The following HNF4A variants were observed in gnomAD, a reference collection of about 807,000 sequenced individuals.
HNF4A encodes the protein hepatocyte nuclear factor 4 alpha.
A neutral mutation model predicts 52.4 loss-of-function variants in HNF4A; 15 were observed. The ratio of observed to expected loss-of-function variants is 0.29; its 90% CI spans 0.19 to 0.44. HNF4A has a LOEUF of 0.44. HNF4A is among the 20% of genes least tolerant of loss of function. HNF4A has a pLI of 1.00. For synonymous variants in HNF4A, 280 were observed against 264.4 expected (o/e 1.06, Z -0.57); for missense variants, 479 against 647.2 (o/e 0.74, Z 2.82).
intron 1 of HNF4A, chr20:44,372,933 A>C (rs966078324): frequency 6.6e-6 from 1 of 152,222 alleles, no homozygotes; most frequent in African/African-American, 2.4e-5. Context: ...TGCAGTCGGG[A>C]GGGCTTGGGT....
chr20:44,434,521 G>GC (rs1327132796), downstream of HNF4A: 2 of 149,920 alleles, frequency 1.3e-5, no homozygotes, highest in African/African-American at 5.0e-5. Context: ...ACAAGCGCGG[G>GC]GGGGGGGGGG....
chr20:44,411,041 C>G (rs553431686), intron 3 of HNF4A, among the ~76,000 whole-genome samples: 2 of 152,218 alleles, frequency 1.3e-5, no homozygotes, highest in Non-Finnish European at 2.9e-5. Flanking sequence ...GTCAAGAATT[C>G]TTTCCTGCAA....
At chr20:44,421,138 G>C (rs941117698) in intron 7 of HNF4A, among the ~76,000 whole-genome samples, 2 of 151,954 alleles carry the variant, frequency 1.3e-5, no homozygotes, top group African/African-American at 2.4e-5. Flanking sequence ...CAAGTTATGT[G>C]CTTTTATCTT....
chr20:44,407,159 GC>G (rs2063512681), intron 2 of HNF4A, among the ~76,000 whole-genome samples: 1 of 152,170 alleles, frequency 6.6e-6, no homozygotes, highest in Admixed American at 6.5e-5. Context: ...ACCACATGTT[GC>G]CTCTCTGAGC....
chr20:44,372,771 T>A (rs148074407), intron 1 of HNF4A: 2 of 152,190 alleles, frequency 1.3e-5, no homozygotes, highest in African/African-American at 4.8e-5. Flanking sequence ...GCGCTGACTT[T>A]GTTTTTGGAG....
At chr20:44,381,124 T>A (rs1025183535) in intron 1 of HNF4A, among the ~76,000 whole-genome samples, 1 of 152,212 alleles carries the variant, frequency 6.6e-6, no homozygotes, top group Non-Finnish European at 1.5e-5. Context: ...ATACTTCCAA[T>A]GACGGAATAC....
intron 1 of HNF4A, among the ~76,000 whole-genome samples, chr20:44,371,155 G>C (rs2146205596): frequency 6.6e-6 from 1 of 152,320 alleles, no homozygotes; most frequent in Non-Finnish European, 1.5e-5. Flanking sequence ...AGCAGGTTGT[G>C]GTCCCAGCTC....
intron 1 of HNF4A, among the ~76,000 whole-genome samples, chr20:44,384,159 CTTTTTTTTTTTT>C (rs371586705): frequency 8.0e-6 from 1 of 125,558 alleles, no homozygotes; most frequent in Non-Finnish European, 1.6e-5. Context: ...CCCCTGGCTC[CTTTTTTTTTTTT>C]TTTTTTTTTT....
At chr20:44,412,646 C>T (rs570675420) in intron 3 of HNF4A, among the ~76,000 whole-genome samples, 49 of 152,132 alleles carry the variant, frequency 3.2e-4, no homozygotes, top group African/African-American at 1.0e-3. Context: ...AGACTGCAGG[C>T]GCAAGGCAGA....
rs530389600 is a variant in HNF4A at position 44,429,596 on chromosome 20, C to A, written c.1356C>A (p.Ala452=). ...AGCCCTATAAGCTCCTGCCGGGAGC[C>A]GTCGCCACAATCGTCAAGCCCCTCT... Residue 452 remains alanine, a synonymous_variant, in exon 10 of 10, where the codon GCC becomes GCA. Coordinates refer to ENST00000316099, the MANE Select transcript of HNF4A (RefSeq NM_000457.6). 6.2e-7 allele frequency: 1 copy of A among 1,614,012 alleles called. No individual in the cohort carries two copies. The highest frequency in any genetic ancestry group is 8.5e-7 in the Non-Finnish European group (1 of 1,179,978).
intron 1 of HNF4A, among the ~76,000 whole-genome samples, chr20:44,385,059 C>CTTTGTTTTTTTTTTTT (rs2063203942): frequency 5.7e-5 from 2 of 34,970 alleles, no homozygotes; most frequent in African/African-American, 1.3e-4. Context: ...ACTCTGTGAT[C>CTTTGTTTTTTTTTTTT]TTTTTTTTTT....
intron 3 of HNF4A, among the ~76,000 whole-genome samples, chr20:44,407,961 A>G (rs774708240): frequency 6.6e-6 from 1 of 152,172 alleles, no homozygotes; most frequent in African/African-American, 2.4e-5. Flanking sequence ...CGTGGGTATC[A>G]CGTGATCTCC....
In HNF4A at chr20:44,419,715, T is replaced by G. The variant is rs2063717102; in HGVS notation, c.737-6T>G. Reference sequence around the variant, plus strand: ...TCCCATCCTCCCTCCCTCCCAACCCTTCCAGGCAATGACTACATTGTCCCT... The same window carrying G: ...TCCCATCCTCCCTCCCTCCCAACCCGTCCAGGCAATGACTACATTGTCCCT... On this transcript the variant is annotated splice_region_variant and splice_polypyrimidine_tract_variant and intron_variant, in intron 6 of 9. Coordinates refer to ENST00000316099, the MANE Select transcript of HNF4A (RefSeq NM_000457.6). 1 of 1,032,030 alleles carries G rather than the reference T, an allele frequency of 9.7e-7. No homozygotes were observed. Among genetic ancestry groups the G allele is most frequent in the Non-Finnish European group, 1.4e-6 (1 of 705,956 alleles). The allele number at this position is 1,032,030 out of a possible 1,614,324, so 63.9% of individuals were successfully genotyped here.
chr20:44,393,458 A>C (rs1007129586), intron 1 of HNF4A, among the ~76,000 whole-genome samples: 1 of 152,118 alleles, frequency 6.6e-6, no homozygotes, highest in Admixed American at 6.5e-5. Flanking sequence ...GCCATCTCTC[A>C]CTGGCATCCC....
chr20:44,369,249 C>CAAA (rs751374772), intron 1 of HNF4A, among the ~76,000 whole-genome samples: 2,057 of 24,840 alleles, frequency 0.083, 482 homozygotes, highest in Admixed American at 0.13. Context: ...AACTCCATCT[C>CAAA]AAAAAAAAAA....
chr20:44,368,222 G>A (rs1419794879), intron 1 of HNF4A, among the ~76,000 whole-genome samples: 10 of 135,638 alleles, frequency 7.4e-5, no homozygotes, highest in African/African-American at 1.9e-4. Flanking sequence ...GCTGGAGTGC[G>A]GTGGTACCAT....
rs113201905 is a variant in HNF4A, at chr20:44,360,205, G to A, written c.49+4352G>A. On this transcript the variant is annotated intron_variant, in intron 1 of 9. Coordinates refer to the HNF4A transcript ENST00000316673. ...TGGGAAGATGGATGGATGAATAAAT[G>A]TATGTTTAGGTGGGTGGATAGGTGA... Among the ~76,000 whole-genome samples the A allele has an allele frequency of 6.9e-3, 1,045 of 152,284 alleles. 21 individuals carry two copies. Among genetic ancestry groups the A allele is most frequent in the African/African-American group, 0.024 (1,011 of 41,550 alleles).
At chr20:44,411,209 C>T (rs918558136) in intron 3 of HNF4A, among the ~76,000 whole-genome samples, 1 of 152,052 alleles carries the variant, frequency 6.6e-6, no homozygotes, top group African/African-American at 2.4e-5. Context: ...AGAGGCCTTC[C>T]TCGGAAGCCC....
At chr20:44,396,041 A>G (rs974862908) in intron 1 of HNF4A, among the ~76,000 whole-genome samples, 1 of 152,108 alleles carries the variant, frequency 6.6e-6, no homozygotes, top group Admixed American at 6.6e-5. Context: ...CAGTGAAACC[A>G]CCAGCTCCAG....
Sources: allele counts gnomAD v4.1 joint callset (sites outside exome capture counted in the v4.1 genomes callset), GRCh38; gene constraint gnomAD v4.1.1; transcripts MANE v1.5; gene names NCBI Gene and HGNC (gene_info 2026-07-23, HGNC 2026-07-21).